The following PAPOLA variants were observed in gnomAD, a reference collection of about 807,000 sequenced individuals.
The protein encoded by PAPOLA is poly(A) polymerase alpha.
Under a neutral mutation model 100.6 loss-of-function variants are expected in PAPOLA, and 15 were observed. That is an observed-to-expected ratio of 0.15 (90% confidence interval 0.10 to 0.23). PAPOLA has a LOEUF of 0.23. Ranked by LOEUF, PAPOLA falls within the 10% of genes least tolerant of loss-of-function variation. The pLI is 1.00. For missense variants in PAPOLA, 533 were observed against 884.2 expected, an observed-to-expected ratio of 0.60 and a Z score of 5.04; for synonymous variants, 293 against 300.0, an observed-to-expected ratio of 0.98 and a Z score of 0.24.
At chr14:96,503,132 T>G (rs1044231407) in intron 1 of PAPOLA, among the ~76,000 whole-genome samples, 2 of 152,214 alleles carry the variant, frequency 1.3e-5, no homozygotes, top group Non-Finnish European at 2.9e-5. Context: ...CCCTTTCCAC[T>G]GACCTTGTCT....
At chr14:96,508,804 G>C (rs948646314) in intron 1 of PAPOLA, among the ~76,000 whole-genome samples, 1 of 152,088 alleles carries the variant, frequency 6.6e-6, no homozygotes, top group African/African-American at 2.4e-5. Flanking sequence ...TAAATAATTG[G>C]ACAATGCCAG....
chr14:96,559,581 C>CTCTCTCTCTATATA (rs370979875), intron 19 of PAPOLA, among the ~76,000 whole-genome samples: 109 of 120,174 alleles, frequency 9.1e-4, no homozygotes, highest in African/African-American at 1.9e-3. Flanking sequence ...CTCTCTCTCT[C>CTCTCTCTCTATATA]TATATATATA....
intron 4 of PAPOLA, 145 bp from the exon 5 acceptor site, chr14:96,527,285 T>G: frequency 1.7e-6 from 1 of 598,026 alleles, no homozygotes; most frequent in South Asian, 2.1e-5. Context: ...CTCCATTGAC[T>G]GGTAATTTTA....
intron 3 of PAPOLA, 61 bp downstream of exon 3, chr14:96,521,133 G>A (rs927205588): frequency 4.7e-5 from 38 of 803,450 alleles, no homozygotes; most frequent in Non-Finnish European, 1.3e-5. Context: ...CACAGCAAGT[G>A]TCTTATATAA....
At chr14:96,520,650 G>A (rs1204391188) in intron 2 of PAPOLA, among the ~76,000 whole-genome samples, 1 of 152,122 alleles carries the variant, frequency 6.6e-6, no homozygotes, top group Non-Finnish European at 1.5e-5. Flanking sequence ...GTGAGCCACC[G>A]TACCTGGCTG....
At chr14:96,537,535 T>C (rs11627287) in intron 12 of PAPOLA, 8,849 of 156,194 alleles carry the variant, frequency 0.057, 508 homozygotes, top group African/African-American at 0.15. Context: ...CCTGCCATTT[T>C]CCCCCAATGT....
chr14:96,510,371 C>G (rs1261808703), intron 1 of PAPOLA, among the ~76,000 whole-genome samples: 1 of 149,420 alleles, frequency 6.7e-6, no homozygotes, highest in East Asian at 1.9e-4. Flanking sequence ...ACATTTCTTT[C>G]ATTTTCAAGT....
chr14:96,522,116 C>CTTTTTTTTTTTTTT (rs754167531), intron 3 of PAPOLA, among the ~76,000 whole-genome samples: 22 of 57,836 alleles, frequency 3.8e-4, no homozygotes, highest in Non-Finnish European at 5.5e-4. Context: ...TTCTTTCTTT[C>CTTTTTTTTTTTTTT]TTTTTTTTTT....
intron 3 of PAPOLA, among the ~76,000 whole-genome samples, chr14:96,523,776 C>G (rs1012740678): frequency 7.2e-5 from 11 of 152,204 alleles, no homozygotes; most frequent in Middle Eastern, 3.4e-3. Flanking sequence ...AACCCTGTCT[C>G]TACTAAAAAT....
chr14:96,530,628 C>G (rs1017202681), intron 6 of PAPOLA, among the ~76,000 whole-genome samples: 1 of 152,068 alleles, frequency 6.6e-6, no homozygotes. Flanking sequence ...CTCAAGCAGT[C>G]TTCCTGCCTT....
chr14:96,557,166 C>G (rs1399974561), intron 19 of PAPOLA, among the ~76,000 whole-genome samples: 2 of 152,158 alleles, frequency 1.3e-5, no homozygotes, highest in Non-Finnish European at 2.9e-5. Context: ...CCACCTCAGC[C>G]TCCCAAGTAG....
Position 96,527,728 on chromosome 14 carries a change from G to C in PAPOLA, c.441+189G>C, listed in dbSNP as rs1170719597. On this transcript the variant is annotated intron_variant, in intron 5 of 21. Coordinates refer to ENST00000216277, the MANE Select transcript of PAPOLA (RefSeq NM_032632.5). Reference sequence around the variant, plus strand: ...AAATTATAAACTCATTTACAGATTAGGAAATTGAGGCAAACAAAATAAATA... The same window carrying C: ...AAATTATAAACTCATTTACAGATTACGAAATTGAGGCAAACAAAATAAATA... The C allele has an allele frequency of 8.2e-6, 5 of 607,656 alleles. No individual in the cohort carries two copies. The African/African-American group carries it at 9.3e-5, about 11-fold the overall frequency. 37.6% of individuals were successfully genotyped at this position (607,656 alleles called of 1,614,324 possible). A position where few individuals can be genotyped will look rare whatever the true frequency, so the allele number is the denominator to read the frequency against.
At chr14:96,503,742 T>C (rs1461018880) in intron 1 of PAPOLA, among the ~76,000 whole-genome samples, 13 of 152,102 alleles carry the variant, frequency 8.5e-5, no homozygotes, top group Non-Finnish European at 1.5e-5. Context: ...GTAACTCAGG[T>C]CTATTTTTTT....
Position 96,535,973 on chromosome 14 carries a change from T to G in PAPOLA, c.1004T>G (p.Met335Arg). The change falls in exon 11 of 22, where the codon ATG becomes AGG. Residue 335 changes from methionine (M) to arginine (R), a missense_variant. By Grantham distance (91) the Met-to-Arg change is moderately conservative (BLOSUM62 -1). Transcript: ENST00000216277. ...STYNVSVSTR[M>R]VMVEEFKQGL... The stretch of plus-strand genomic sequence containing the variant: ...TACAATGTGTCCGTTTCAACACGGA[T>G]GGTCATGGTTGAGGAGTTTAAACAA... The G allele has an allele frequency of 1.2e-6, 2 of 1,605,586 alleles. No individual in the cohort carries two copies. Among genetic ancestry groups the G allele is most frequent in the Non-Finnish European group, 1.7e-6 (2 of 1,175,696 alleles).
chr14:96,552,492 G>A lies in PAPOLA; in HGVS notation c.1534G>A (p.Gly512Ser). The A allele has an allele frequency of 6.2e-7, 1 of 1,613,204 alleles. No individual in the cohort carries two copies. Among genetic ancestry groups the A allele is most frequent in the Non-Finnish European group, 8.5e-7 (1 of 1,179,230 alleles). Reference sequence around the variant, plus strand: ...TTATTGTTTGCAGCATTCAACAGAAGGTGTCAAATTGACAGCTCTCAATGA... The same window carrying A: ...TTATTGTTTGCAGCATTCAACAGAAAGTGTCAAATTGACAGCTCTCAATGA... ...LQKKKKHSTE[G>S]VKLTALNDSS... The change falls in exon 17 of 22, where the codon GGT becomes AGT. Residue 512 changes from glycine (G) to serine (S), a missense_variant. Around this residue, in one of 9 missense-constraint regions of PAPOLA, gnomAD observed 242 missense variants for 281.0 expected, o/e 0.86. Coordinates refer to ENST00000216277, the MANE Select transcript of PAPOLA (RefSeq NM_032632.5).
intron 1 of PAPOLA, among the ~76,000 whole-genome samples, chr14:96,509,800 G>T (rs1263930870): frequency 6.6e-6 from 1 of 152,148 alleles, no homozygotes. Context: ...GCTGTTATGG[G>T]ACCACTGTTA....
At chr14:96,530,102 A>G (rs1038738393) in intron 6 of PAPOLA, among the ~76,000 whole-genome samples, 6 of 152,214 alleles carry the variant, frequency 3.9e-5, no homozygotes, top group Non-Finnish European at 7.3e-5. Context: ...TTAAGTTCTC[A>G]TGTATAATGA....
chr14:96,521,071 A>T lies in PAPOLA; in HGVS notation c.248A>T (p.Lys83Met). Residue 83 changes from lysine (K) to methionine (M), a missense_variant and splice_region_variant, in exon 3 of 22, where the codon AAG (lysine) becomes ATG (methionine). Lys to Met is a moderately conservative substitution (Grantham distance 95). Transcript: ENST00000216277. Reference protein sequence around the residue: ...KEWIREISESKNLPQSVIENV... With the variant: ...KEWIREISESMNLPQSVIENV... ...TGGATACGAGAAATCAGTGAAAGCA[A>T]GGTAAGGCAACTTTTTTGTATATGA... The T allele has an allele frequency of 6.6e-7, 1 of 1,510,618 alleles. No individual in the cohort carries two copies. Among genetic ancestry groups the T allele is most frequent in the Non-Finnish European group, 9.2e-7 (1 of 1,088,782 alleles). The allele number at this position is 1,510,618 out of a possible 1,614,324, so 93.6% of individuals were successfully genotyped here. A position where few individuals can be genotyped will look rare whatever the true frequency, so the allele number is the denominator to read the frequency against.
chr14:96,534,290 A>T (rs1899328164), intron 9 of PAPOLA: 2 of 1,363,396 alleles, frequency 1.5e-6, no homozygotes, highest in Admixed American at 3.4e-5. Flanking sequence ...TGAGAAGGCT[A>T]CCAAATGGTT....
Sources: gnomAD v4.1 joint callset for allele counts (sites outside exome capture counted in the v4.1 genomes callset) on GRCh38, gnomAD v4.1.1 for gene constraint, gnomAD v4.1.1 regional missense constraint, MANE v1.5 for transcripts, NCBI Gene and HGNC (gene_info 2026-07-23, HGNC 2026-07-21) for gene names.